Variants in MAGI2 observed in about 807,000 individuals in gnomAD.
MAGI2 encodes the protein membrane-associated guanylate kinase, WW and PDZ domain-containing protein 2.
A neutral mutation model predicts 133.3 loss-of-function variants in MAGI2; 35 were observed. The observed-to-expected ratio is 0.26, with a 90% CI of 0.20 to 0.35. MAGI2 has a LOEUF of 0.35. Ranked by LOEUF, MAGI2 falls within the 10% of genes least tolerant of loss-of-function variation. The probability of loss-of-function intolerance (pLI) is 1.00; values close to 1 mark genes in which losing one functional copy is unlikely to be tolerated. For missense variants in MAGI2, 1,636 were observed against 1,863.4 expected (o/e 0.88, Z 2.25); for synonymous variants, 729 against 710.6 (o/e 1.03, Z -0.41).
chr7:78,764,897 C>G (rs750830422), intron 2 of MAGI2, among the ~76,000 whole-genome samples: 2 of 125,030 alleles, frequency 1.6e-5, no homozygotes, highest in Non-Finnish European at 3.8e-5. Flanking sequence ...GGTTTTCAGG[C>G]CTCACAACTT....
At chr7:79,307,403 G>T (rs1470641596) in intron 1 of MAGI2, among the ~76,000 whole-genome samples, 1 of 152,136 alleles carries the variant, frequency 6.6e-6, no homozygotes, top group Non-Finnish European at 1.5e-5. Flanking sequence ...TCTAGGTAAA[G>T]AATTACGATA....
chr7:79,183,424 G>A (rs1826792246), intron 1 of MAGI2, among the ~76,000 whole-genome samples: 2 of 151,692 alleles, frequency 1.3e-5, no homozygotes, highest in Non-Finnish European at 2.9e-5. Flanking sequence ...AAATAGCTCT[G>A]CAAATATATT....
chr7:78,192,516 AG>A (rs1181385995), intron 12 of MAGI2, among the ~76,000 whole-genome samples: 1 of 138,166 alleles, frequency 7.2e-6, no homozygotes, highest in African/African-American at 2.6e-5. Context: ...GGAGGGCAAA[AG>A]GCTGTCTTTT....
intron 1 of MAGI2, among the ~76,000 whole-genome samples, chr7:79,268,849 C>G (rs754512212): frequency 6.6e-6 from 1 of 152,086 alleles, no homozygotes; most frequent in South Asian, 2.1e-4. Context: ...GCCTCAACAC[C>G]GTGACATGGG....
At chr7:79,271,697 T>A (rs1052561663) in intron 1 of MAGI2, among the ~76,000 whole-genome samples, 3 of 145,454 alleles carry the variant, frequency 2.1e-5, no homozygotes, top group Non-Finnish European at 4.5e-5. Context: ...GACTGTTGGA[T>A]AATAGAGGTA....
chr7:78,516,414 T>C (rs1276837598), intron 4 of MAGI2, among the ~76,000 whole-genome samples: 2 of 152,110 alleles, frequency 1.3e-5, no homozygotes, highest in Non-Finnish European at 2.9e-5. Flanking sequence ...TGCAGAGGCA[T>C]GATCATGGCT....
At chr7:78,670,323 T>G (rs1024691919) in intron 2 of MAGI2, among the ~76,000 whole-genome samples, 1 of 152,158 alleles carries the variant, frequency 6.6e-6, no homozygotes, top group Non-Finnish European at 1.5e-5. Flanking sequence ...CATTCACAAT[T>G]GCTTCAAAGA....
At chr7:79,411,701 C>T (rs1431830686) in intron 1 of MAGI2, 1 of 152,108 alleles carries the variant, frequency 6.6e-6, no homozygotes, top group Non-Finnish European at 1.5e-5. Context: ...AAAGTTAACA[C>T]AACCTCCTGT....
At chr7:78,397,413 T>C (rs1486402022) in intron 6 of MAGI2, among the ~76,000 whole-genome samples, 2 of 151,146 alleles carry the variant, frequency 1.3e-5, no homozygotes, top group Non-Finnish European at 3.0e-5. Context: ...TGTCTTACAT[T>C]GCCCAAACCA....
intron 6 of MAGI2, among the ~76,000 whole-genome samples, chr7:78,467,568 T>C (rs1342266446): frequency 6.6e-6 from 1 of 151,204 alleles, no homozygotes; most frequent in African/African-American, 2.4e-5. Context: ...ATTGGCAGAG[T>C]GATATACTAG....
At chr7:79,309,592 T>C (rs6944731) in intron 1 of MAGI2, among the ~76,000 whole-genome samples, 21,206 of 151,892 alleles carry the variant, frequency 0.14, 1,599 homozygotes, top group South Asian at 0.26. Flanking sequence ...CGCTGAACAA[T>C]CTAGTAAAAA....
At chr7:78,517,657 G>T (rs928037395) in intron 4 of MAGI2, among the ~76,000 whole-genome samples, 1 of 152,050 alleles carries the variant, frequency 6.6e-6, no homozygotes, top group Non-Finnish European at 1.5e-5. Flanking sequence ...TATTGACAAG[G>T]ATAAAACTAC....
At chr7:78,577,782 T>C (rs1400092530) in intron 3 of MAGI2, among the ~76,000 whole-genome samples, 1 of 152,056 alleles carries the variant, frequency 6.6e-6, no homozygotes, top group Non-Finnish European at 1.5e-5. Context: ...ACTTCTTTTG[T>C]GGTGGAATGT....
intron 9 of MAGI2, among the ~76,000 whole-genome samples, chr7:78,269,731 C>T (rs1367586305): frequency 1.3e-5 from 2 of 152,034 alleles, no homozygotes; most frequent in Admixed American, 1.3e-4. Flanking sequence ...GCCTGTTCAC[C>T]CTGATGATAG....
chr7:78,278,968 A>C (rs1435249066), intron 9 of MAGI2, among the ~76,000 whole-genome samples: 1 of 152,182 alleles, frequency 6.6e-6, no homozygotes, highest in Non-Finnish European at 1.5e-5. Context: ...TATCTATTCA[A>C]ACTTATTTAT....
chr7:79,174,202 C>G (rs1167690522), intron 1 of MAGI2, among the ~76,000 whole-genome samples: 2 of 151,872 alleles, frequency 1.3e-5, no homozygotes, highest in African/African-American at 2.4e-5. Context: ...TTGAATACCT[C>G]TCCAATAAAT....
intron 2 of MAGI2, among the ~76,000 whole-genome samples, chr7:78,814,482 T>C (rs187903037): frequency 1.1e-3 from 161 of 152,312 alleles, no homozygotes; most frequent in African/African-American, 3.8e-3. Flanking sequence ...AAAATAAAAA[T>C]ACTAATGCCT....
intron 2 of MAGI2, among the ~76,000 whole-genome samples, chr7:78,766,039 C>T (rs1824991705): frequency 6.6e-6 from 1 of 152,196 alleles, no homozygotes; most frequent in African/African-American, 2.4e-5. Flanking sequence ...CAAGAATCCT[C>T]CCACACTTGG....
At chr7:78,230,710 G>A (rs769935301) in intron 10 of MAGI2, among the ~76,000 whole-genome samples, 8 of 152,148 alleles carry the variant, frequency 5.3e-5, no homozygotes, top group Non-Finnish European at 1.2e-4. Flanking sequence ...CAATTGGAAG[G>A]CCCCTATTTC....
Sources: gnomAD v4.1 joint callset for allele counts (sites outside exome capture counted in the v4.1 genomes callset) on GRCh38, gnomAD v4.1.1 for gene constraint, MANE v1.5 for transcripts, NCBI Gene and HGNC (gene_info 2026-07-23, HGNC 2026-07-21) for gene names.